Variants in TMCO4 observed in about 807,000 individuals in gnomAD.
TMCO4 encodes transmembrane and coiled-coil domains 4, also known as transmembrane and coiled-coil domain-containing protein 4.
In TMCO4, 58 loss-of-function variants were observed where a neutral mutation model predicts 64.7. The observed-to-expected ratio is 0.90, with a 90% confidence interval of 0.73 to 1.12. The LOEUF (loss-of-function observed/expected upper bound fraction) is 1.12. Ranked by LOEUF, TMCO4 falls within the 50% of genes most tolerant of loss-of-function variation. The pLI, the probability that TMCO4 is intolerant of heterozygous loss-of-function variation, is 0.00. For missense variants in TMCO4, 780 were observed against 825.9 expected (o/e 0.94, Z 0.68); for synonymous variants, 325 against 346.1 (o/e 0.94, Z 0.68).
intron 15 of TMCO4, among the ~76,000 whole-genome samples, chr1:19,684,139 CAG>C (rs903471434): frequency 2.0e-4 from 21 of 105,914 alleles, no homozygotes; most frequent in Admixed American, 5.6e-4. Context: ...AAAATGAAAA[CAG>C]AGAGAGAGAG....
chr1:19,708,944 C>T (rs750878449), intron 13 of TMCO4, among the ~76,000 whole-genome samples: 12 of 152,118 alleles, frequency 7.9e-5, no homozygotes, highest in East Asian at 1.9e-4. Flanking sequence ...TTCCTGACTG[C>T]GGGTCCAGTA....
intron 13 of TMCO4, among the ~76,000 whole-genome samples, chr1:19,731,606 G>A (rs2095430200): frequency 1.3e-5 from 2 of 152,268 alleles, no homozygotes; most frequent in African/African-American, 2.4e-5. Context: ...TGTGATGGCA[G>A]AGGCCTGTAC....
chr1:19,789,589 G>C (rs892907745), intron 2 of TMCO4, among the ~76,000 whole-genome samples: 1 of 152,068 alleles, frequency 6.6e-6, no homozygotes, highest in Admixed American at 6.6e-5. Context: ...GCTTATTGGT[G>C]CTTTTATAAT....
chr1:19,685,666 C>T (rs961482938), intron 15 of TMCO4, among the ~76,000 whole-genome samples: 3 of 149,332 alleles, frequency 2.0e-5, no homozygotes, highest in African/African-American at 7.4e-5. Flanking sequence ...CAAGGTCACA[C>T]AGCTAGAACT....
intron 13 of TMCO4, among the ~76,000 whole-genome samples, chr1:19,704,580 A>G (rs116375273): frequency 0.027 from 4,166 of 152,322 alleles, 190 homozygotes; most frequent in African/African-American, 0.094. Flanking sequence ...TTGTGGACCC[A>G]GGGATAACCA....
chr1:19,717,183 T>C (rs1027361885), intron 13 of TMCO4, among the ~76,000 whole-genome samples: 1 of 152,112 alleles, frequency 6.6e-6, no homozygotes, highest in Non-Finnish European at 1.5e-5. Flanking sequence ...CGAAACTCCA[T>C]CTCAAATAAA....
chr1:19,716,363 T>C (rs1452466145), intron 13 of TMCO4, among the ~76,000 whole-genome samples: 1 of 147,900 alleles, frequency 6.8e-6, no homozygotes, highest in Non-Finnish European at 1.5e-5. Flanking sequence ...CCGGCTATTT[T>C]TTTTTTCTTT....
intron 13 of TMCO4, among the ~76,000 whole-genome samples, chr1:19,724,912 C>G (rs991983457): frequency 6.6e-6 from 1 of 152,184 alleles, no homozygotes; most frequent in Non-Finnish European, 1.5e-5. Context: ...CAGGCGCACA[C>G]CACAATACCC....
At position 19,700,755 on chromosome 1, in the gene TMCO4, G is replaced by A. The variant is rs1312685062; in HGVS notation, c.1382+13C>T. The A allele has an allele frequency of 6.2e-7, 1 of 1,609,854 alleles. No homozygotes were observed. The stretch of plus-strand genomic sequence containing the variant: ...CATTGTCACTTCCCCGCTGGCACGA[G>A]GTTTGGACAGACCTGCAGTAGCCGT... On this transcript the variant is annotated intron_variant, in intron 14 of 15. Coordinates refer to ENST00000294543, the MANE Select transcript of TMCO4 (RefSeq NM_181719.7).
chr1:19,713,367 T>C (rs915447511), intron 13 of TMCO4, among the ~76,000 whole-genome samples: 2 of 152,062 alleles, frequency 1.3e-5, no homozygotes, highest in Non-Finnish European at 2.9e-5. Flanking sequence ...TAGTTCAGGA[T>C]GAATCTTTCT....
chr1:19,794,379 TCA>T (rs2044202448), intron 2 of TMCO4, among the ~76,000 whole-genome samples: 1 of 152,242 alleles, frequency 6.6e-6, no homozygotes, highest in Non-Finnish European at 1.5e-5. Context: ...CTCCCTCTGC[TCA>T]CAGTTAAGCA....
chr1:19,798,636 A>T (rs1003011661), intron 1 of TMCO4, among the ~76,000 whole-genome samples: 4 of 152,164 alleles, frequency 2.6e-5, no homozygotes, highest in Non-Finnish European at 5.9e-5. Flanking sequence ...GATGCTGCAC[A>T]CGAGGGCTTG....
intron 13 of TMCO4, among the ~76,000 whole-genome samples, chr1:19,726,566 T>C (rs2095409617): frequency 6.6e-6 from 1 of 152,198 alleles, no homozygotes; most frequent in African/African-American, 2.4e-5. Flanking sequence ...TAAGCCTTAG[T>C]TTCCTCATCT....
intron 13 of TMCO4, among the ~76,000 whole-genome samples, chr1:19,710,405 A>G (rs1406243561): frequency 1.3e-5 from 2 of 151,984 alleles, no homozygotes; most frequent in Non-Finnish European, 2.9e-5. Context: ...CCTGGCTGGA[A>G]TTCCATTTCT....
intron 2 of TMCO4, among the ~76,000 whole-genome samples, chr1:19,795,027 G>C (rs979508765): frequency 1.3e-5 from 2 of 152,158 alleles, no homozygotes; most frequent in Non-Finnish European, 2.9e-5. Context: ...TGTTTAATGG[G>C]TGTGGAGTTT....
In TMCO4 at chr1:19,732,023, G is replaced by C. The variant is rs1008442302; in HGVS notation, c.1264+5349C>G. ...TCCAGCTGGAGCTGCTGTGAAGGCCGGCATGGACAGCGGGGGTTTTAAACT... is the reference window on the plus strand; with the variant it reads ...TCCAGCTGGAGCTGCTGTGAAGGCCCGCATGGACAGCGGGGGTTTTAAACT... On this transcript the variant is annotated intron_variant, in intron 13 of 15. Transcript: ENST00000294543. This position sits in a 1 kb window ranked among gnomAD's most constrained non-coding sequence, Gnocchi z 4.8. 2.0e-5 allele frequency among the ~76,000 whole-genome samples: 3 copies of C among 152,210 alleles called. No homozygotes were observed. The highest frequency in any genetic ancestry group is 1.3e-4 in the Admixed American group (2 of 15,284).
chr1:19,709,152 G>C (rs1172618104), intron 13 of TMCO4, among the ~76,000 whole-genome samples: 1 of 152,192 alleles, frequency 6.6e-6, no homozygotes, highest in East Asian at 1.9e-4. Context: ...ATCGCTTAAA[G>C]GAGCCTGTTT....
At chr1:19,751,208 A>G (rs2042006864) in intron 7 of TMCO4, among the ~76,000 whole-genome samples, 1 of 152,182 alleles carries the variant, frequency 6.6e-6, no homozygotes, top group African/African-American at 2.4e-5. Flanking sequence ...TCCAACAAGA[A>G]TTGGAGGTGA....
intron 10 of TMCO4, among the ~76,000 whole-genome samples, chr1:19,742,584 TAGTC>T (rs999026289): frequency 3.3e-5 from 5 of 152,166 alleles, no homozygotes; most frequent in Admixed American, 6.5e-5. Flanking sequence ...GATAAGGTGA[TAGTC>T]AGCCCCAAGA....
Sources: allele counts gnomAD v4.1 joint callset (sites outside exome capture counted in the v4.1 genomes callset), GRCh38; gene constraint gnomAD v4.1.1; non-coding constraint Gnocchi (gnomAD v3.1); transcripts MANE v1.5; gene names NCBI Gene and HGNC (gene_info 2026-07-23, HGNC 2026-07-21).